Variants in CLECL1 observed in about 807,000 individuals in gnomAD.
CLECL1 encodes the protein C-type lectin like 1.
At position 9,729,608 on chromosome 12, in the gene CLECL1, A is replaced by G. The variant is rs139454147; in HGVS notation, n.151T>C. On this transcript the variant is annotated non_coding_transcript_exon_variant, in exon 2 of 4. Coordinates refer to ENST00000621400, the Ensembl canonical transcript of CLECL1. The stretch of plus-strand genomic sequence containing the variant: ...TTACTTACCCAAAATATTCAGTACA[A>G]TTACTATTACCAGAAGGATAATATT... Among the ~76,000 whole-genome samples the G allele has an allele frequency of 7.1e-3, 1,081 of 152,232 alleles. 8 individuals are homozygous for G. The highest frequency in any genetic ancestry group is 0.012 in the Non-Finnish European group (802 of 67,958).
In CLECL1 at chr12:9,716,754, A is replaced by T. The variant is rs560807362; in HGVS notation, n.175T>A. 50 of 1,277,080 alleles carry T rather than the reference A, an allele frequency of 3.9e-5. No individual in the cohort carries two copies. In the Middle Eastern group the frequency reaches 6.5e-4, roughly 17 times the overall value. 79.1% of individuals were successfully genotyped at this position (1,277,080 alleles called of 1,614,324 possible). On this transcript the variant is annotated non_coding_transcript_exon_variant, in exon 3 of 3. Transcript: ENST00000540988. The stretch of plus-strand genomic sequence containing the variant: ...CTGAAGTCTAGGAACTTCTATATGC[A>T]TATGTCAAAAAAGATTGGATTTCTA...
chr12:9,708,408 ACT>A, the CLECL1 span, among the ~76,000 whole-genome samples: 7 of 152,088 alleles, frequency 4.6e-5, no homozygotes, highest in East Asian at 1.9e-4. Context: ...CATACTTGAG[ACT>A]CTCTAAATGG....
chr12:9,718,762 A>T (rs1017935639), downstream of CLECL1: 1 of 700,856 alleles, frequency 1.4e-6, no homozygotes, highest in Non-Finnish European at 2.6e-6. Context: ...AGGTACAGCA[A>T]AAAGGTGATC....
chr12:9,721,074 C>T (rs1045296352), downstream of CLECL1, among the ~76,000 whole-genome samples: 4 of 152,148 alleles, frequency 2.6e-5, no homozygotes, highest in African/African-American at 9.7e-5. Context: ...ATATCTGCAA[C>T]ATGGAAATGA....
upstream of CLECL1, chr12:9,733,370 T>C (rs1866478671): frequency 2.9e-6 from 2 of 694,660 alleles, no homozygotes; most frequent in Admixed American, 2.7e-5. Flanking sequence ...TATAGACCAC[T>C]TCCTCTTTTA....
At chr12:9,717,150 C>T (rs771729259) in intron 2 of CLECL1, among the ~76,000 whole-genome samples, 34 of 152,316 alleles carry the variant, frequency 2.2e-4, no homozygotes, top group African/African-American at 8.2e-4. Context: ...GTGGCTCATG[C>T]CTGTAATCCT....
upstream of CLECL1, chr12:9,733,444 C>T: frequency 1.8e-6 from 1 of 548,134 alleles, no homozygotes; most frequent in East Asian, 2.9e-5. Flanking sequence ...AGTAGGATAG[C>T]TATTTGGGAA....
chr12:9,703,925 T>C, the CLECL1 span, among the ~76,000 whole-genome samples: 1 of 152,174 alleles, frequency 6.6e-6, no homozygotes, highest in South Asian at 2.1e-4. Context: ...TTCTATGTAT[T>C]GTGTTTTAGT....
downstream of CLECL1, chr12:9,715,710 G>C (rs1337763728): frequency 6.5e-6 from 1 of 152,954 alleles, no homozygotes; most frequent in East Asian, 1.9e-4. Context: ...CACTCCAGAG[G>C]TCCAGTTGCC....
intron 3 of CLECL1, 125 bp from the exon 2 acceptor site, chr12:9,722,938 T>C (rs1866332514): frequency 4.8e-6 from 3 of 623,028 alleles, no homozygotes; most frequent in African/African-American, 3.7e-5. Context: ...AAGTATGTGC[T>C]TTGTTCCAGG....
At chr12:9,732,412 G>A (rs1162616817) in intron 1 of CLECL1, among the ~76,000 whole-genome samples, 1 of 152,168 alleles carries the variant, frequency 6.6e-6, no homozygotes, top group Non-Finnish European at 1.5e-5. Flanking sequence ...TTAGGCATAT[G>A]CTTATCGCCT....
chr12:9,704,235 G>T, the CLECL1 span: 2 of 152,016 alleles, frequency 1.3e-5, no homozygotes, highest in Non-Finnish European at 2.9e-5. Context: ...ATTGCACAAG[G>T]AGAACTTCCA....
chr12:9,730,688 TTTTTC>T (rs1770088583), intron 1 of CLECL1, among the ~76,000 whole-genome samples: 1 of 152,046 alleles, frequency 6.6e-6, no homozygotes, highest in Non-Finnish European at 1.5e-5. Flanking sequence ...TTTCTTTCTT[TTTTTC>T]TTTTCTTTTT....
the CLECL1 span, among the ~76,000 whole-genome samples, chr12:9,705,542 C>CA: frequency 2.4e-3 from 363 of 152,260 alleles, 1 homozygote; most frequent in Non-Finnish European, 4.2e-3. Context: ...TTGGGTTTTA[C>CA]ACTAAAGTCT....
downstream of CLECL1, among the ~76,000 whole-genome samples, chr12:9,713,102 C>T (rs751887061): frequency 2.0e-5 from 3 of 152,212 alleles, no homozygotes; most frequent in Admixed American, 6.5e-5. Flanking sequence ...ATGAAAGGGT[C>T]GTGATTGATT....
At chr12:9,719,933 C>T (rs1419936135), downstream of CLECL1, among the ~76,000 whole-genome samples, 1 of 152,162 alleles carries the variant, frequency 6.6e-6, no homozygotes, top group Non-Finnish European at 1.5e-5. Context: ...TTACTTGGCA[C>T]ATTCTTATTT....
chr12:9,714,384 A>G (rs756153473), downstream of CLECL1, among the ~76,000 whole-genome samples: 11 of 152,178 alleles, frequency 7.2e-5, no homozygotes, highest in Non-Finnish European at 1.6e-4. Flanking sequence ...TTACACAGCT[A>G]CCTGTCCACT....
chr12:9,727,390 C>T (rs1370975802), intron 3 of CLECL1, among the ~76,000 whole-genome samples: 2 of 151,718 alleles, frequency 1.3e-5, no homozygotes, highest in Non-Finnish European at 3.0e-5. Context: ...TGCCTTGGCC[C>T]TTTACATGTT....
At chr12:9,722,164 A>G (rs1866321212), downstream of CLECL1, among the ~76,000 whole-genome samples, 1 of 152,178 alleles carries the variant, frequency 6.6e-6, no homozygotes, top group Non-Finnish European at 1.5e-5. Context: ...ATAGTGTCCA[A>G]CCTCCATTCA....
Sources: allele counts gnomAD v4.1 joint callset (sites outside exome capture counted in the v4.1 genomes callset), GRCh38; gene constraint gnomAD v4.1.1; transcripts MANE v1.5; gene names NCBI Gene and HGNC (gene_info 2026-07-23, HGNC 2026-07-21).